RPS4Y1: variants seen among roughly 807,000 people sequenced by gnomAD.
The protein encoded by RPS4Y1 is small ribosomal subunit protein eS4, Y isoform 1.
For missense variants in RPS4Y1, 30 were observed against 60.9 expected (o/e 0.49, Z 1.69); for synonymous variants, 23 against 20.8 (o/e 1.10, Z -0.28).
At chrY:2,844,030 A>G in intron 2 of RPS4Y1, 47 bp from the exon 3 acceptor site, 2 of 363,671 alleles carry the variant, frequency 5.5e-6, no homozygotes, top group Non-Finnish European at 7.9e-6. Context: ...TGGTTACATA[A>G]GGAGTGGATC....
chrY:2,861,424 C>G, intron 5 of RPS4Y1, among the ~76,000 whole-genome samples: 1 of 31,435 alleles, frequency 3.2e-5, no homozygotes, highest in African/African-American at 1.3e-4. Flanking sequence ...ATGACCTTCA[C>G]CAGTCAGCCA....
At chrY:2,842,267 G>GT (rs765232571) in intron 2 of RPS4Y1, 25 bp downstream of exon 2, 323 of 334,447 alleles carry the variant, frequency 9.7e-4, no homozygotes, top group East Asian at 2.3e-3. Flanking sequence ...GTTTTTTGTG[G>GT]TTTTTTTTTG....
chrY:2,864,389 CT>C (rs2051165718), intron 5 of RPS4Y1, among the ~76,000 whole-genome samples: 2 of 29,016 alleles, frequency 6.9e-5, no homozygotes, highest in South Asian at 7.8e-4. Flanking sequence ...GTCCTTTTTC[CT>C]TTTTTTTTTA....
At chrY:2,853,645 A>G in intron 4 of RPS4Y1, among the ~76,000 whole-genome samples, 2 of 33,651 alleles carry the variant, frequency 5.9e-5, no homozygotes, top group Non-Finnish European at 1.5e-4. Flanking sequence ...GGTATGAGAC[A>G]TTTTGAACTC....
At chrY:2,865,009 G>A in intron 5 of RPS4Y1, 79 bp from the exon 6 acceptor site, 1 of 262,136 alleles carries the variant, frequency 3.8e-6, no homozygotes, top group Non-Finnish European at 5.7e-6. Context: ...GAGCCCGTGT[G>A]TGTTAATTTG....
chrY:2,859,850 T>G, intron 5 of RPS4Y1, among the ~76,000 whole-genome samples: 1 of 33,051 alleles, frequency 3.0e-5, no homozygotes, highest in Non-Finnish European at 7.5e-5. Flanking sequence ...TCAGCATTTC[T>G]CGTAAGGCCA....
At chrY:2,851,834 A>G in intron 4 of RPS4Y1, among the ~76,000 whole-genome samples, 2 of 33,046 alleles carry the variant, frequency 6.1e-5, no homozygotes, top group Admixed American at 5.4e-4. Flanking sequence ...ACATAACCTT[A>G]TCTGCTGAAT....
chrY:2,849,703 T>C (rs750577987), intron 4 of RPS4Y1, among the ~76,000 whole-genome samples: 1 of 33,722 alleles, frequency 3.0e-5, no homozygotes, highest in East Asian at 7.8e-4. Flanking sequence ...TTAGCTCAAC[T>C]GGAAGTTCCC....
chrY:2,856,416 C>T (rs2051159956), intron 5 of RPS4Y1, among the ~76,000 whole-genome samples: 2 of 33,590 alleles, frequency 6.0e-5, no homozygotes. Context: ...GAATTACAGG[C>T]GTGAGCCACC....
intron 6 of RPS4Y1, among the ~76,000 whole-genome samples, chrY:2,865,805 A>AC: frequency 2.9e-5 from 1 of 33,941 alleles, no homozygotes; most frequent in East Asian, 7.6e-4. Context: ...ATCATGCAGT[A>AC]TCCTTACATG....
rs766955300 is a variant in RPS4Y1 at position 2,841,985 on chromosome Y, G to A, written c.4-180G>A. 6.0e-5 allele frequency: 22 copies of A among 366,187 alleles called. No homozygotes were observed. The Admixed American group carries it at 1.9e-3, about 31-fold the overall frequency. 91.3% of individuals were successfully genotyped at this position (366,187 alleles called of 400,897 possible). On this transcript the variant is annotated intron_variant, in intron 1 of 6. Transcript: ENST00000250784. ...CCAAGTTTTCAAAGGTCTGTGCTTT[G>A]CGTGGTCTCTTCTGGGGTCTGGCAG...
chrY:2,865,410 G>T, intron 6 of RPS4Y1, among the ~76,000 whole-genome samples, 165 bp downstream of exon 6: 1 of 33,569 alleles, frequency 3.0e-5, no homozygotes, highest in South Asian at 6.7e-4. Flanking sequence ...AACAAGATTA[G>T]ATCTAGAGCC....
chrY:2,865,612 T>TC (rs2051166986), intron 6 of RPS4Y1, among the ~76,000 whole-genome samples: 1 of 33,455 alleles, frequency 3.0e-5, no homozygotes, highest in African/African-American at 1.2e-4. Context: ...CCTCTGAGAC[T>TC]CCATCTTACA....
chrY:2,851,031 G>T, intron 4 of RPS4Y1, among the ~76,000 whole-genome samples: 2 of 28,559 alleles, frequency 7.0e-5, no homozygotes, highest in African/African-American at 2.8e-4. Context: ...TTTTAGTAGA[G>T]ACGGGGTTTC....
At chrY:2,857,087 CAAAA>C (rs1556371654) in intron 5 of RPS4Y1, among the ~76,000 whole-genome samples, 2 of 27,574 alleles carry the variant, frequency 7.3e-5, no homozygotes, top group Non-Finnish European at 1.8e-4. Flanking sequence ...ATTGTGGTTT[CAAAA>C]AAAAAAAGAT....
At chrY:2,850,125 G>A (rs1038015657) in intron 4 of RPS4Y1, among the ~76,000 whole-genome samples, 1 of 34,304 alleles carries the variant, frequency 2.9e-5, no homozygotes, top group African/African-American at 1.1e-4. Context: ...GCATCGTGAA[G>A]CTTGGGTTAA....
chrY:2,862,789 G>A (rs986268358), intron 5 of RPS4Y1, among the ~76,000 whole-genome samples: 1 of 33,792 alleles, frequency 3.0e-5, no homozygotes, highest in Non-Finnish European at 7.3e-5. Flanking sequence ...TCTTAGCAGC[G>A]TGAGATCACC....
At chrY:2,851,004 C>T in intron 4 of RPS4Y1, among the ~76,000 whole-genome samples, 3 of 28,161 alleles carry the variant, frequency 1.1e-4, no homozygotes, top group Non-Finnish European at 1.7e-4. Flanking sequence ...CCACTACGCC[C>T]GGCTAATTTT....
chrY:2,842,624 A>G, intron 2 of RPS4Y1, among the ~76,000 whole-genome samples: 2 of 32,972 alleles, frequency 6.1e-5, no homozygotes, highest in South Asian at 1.4e-3. Flanking sequence ...AGGGTGGAGT[A>G]GCTGCTTTTT....
Sources: gnomAD v4.1 joint callset for allele counts (sites outside exome capture counted in the v4.1 genomes callset) on GRCh38, gnomAD v4.1.1 for gene constraint, MANE v1.5 for transcripts, NCBI Gene and HGNC (gene_info 2026-07-23, HGNC 2026-07-21) for gene names.